The following ZFYVE9 variants were observed in gnomAD, a reference collection of about 807,000 sequenced individuals.
ZFYVE9 encodes zinc finger FYVE-type containing 9.
In ZFYVE9, 43 loss-of-function variants were observed where a neutral mutation model predicts 126.7. That is an observed-to-expected ratio of 0.34 (90% CI 0.27 to 0.44). The LOEUF is 0.44. Ranked by LOEUF, ZFYVE9 falls within the 20% of genes least tolerant of loss-of-function variation. The pLI is 1.00. For missense variants in ZFYVE9, 1,476 were observed against 1,697.0 expected, an observed-to-expected ratio of 0.87 and a Z score of 2.29; for synonymous variants, 521 against 597.4, an observed-to-expected ratio of 0.87 and a Z score of 1.87.
At chr1:52,184,393 A>ATTT (rs57242903) in intron 1 of ZFYVE9, among the ~76,000 whole-genome samples, 2 of 115,064 alleles carry the variant, frequency 1.7e-5, no homozygotes, top group African/African-American at 3.4e-5. Flanking sequence ...AGTCCAGCTA[A>ATTT]TTTTTTTTTT....
intron 10 of ZFYVE9, 101 bp downstream of exon 10, chr1:52,281,917 C>A: frequency 7.3e-7 from 1 of 1,365,344 alleles, no homozygotes; most frequent in Non-Finnish European, 1.0e-6. Flanking sequence ...TTAAGCATGG[C>A]AGGGGACTTT....
At chr1:52,345,015 T>C in intron 18 of ZFYVE9, 71 bp downstream of exon 18, 1 of 1,542,054 alleles carries the variant, frequency 6.5e-7, no homozygotes, top group Admixed American at 1.7e-5. Flanking sequence ...TGAGTTTTTC[T>C]GCATCACCCC....
At chr1:52,158,668 C>A (rs534873888) in intron 1 of ZFYVE9, among the ~76,000 whole-genome samples, 65 of 152,300 alleles carry the variant, frequency 4.3e-4, no homozygotes, top group African/African-American at 1.5e-3. Flanking sequence ...TACTGCCTCC[C>A]TTCGTAGGTG....
intron 7 of ZFYVE9, among the ~76,000 whole-genome samples, chr1:52,271,175 T>G (rs925687140): frequency 3.3e-5 from 5 of 152,192 alleles, no homozygotes; most frequent in African/African-American, 1.2e-4. Context: ...ACTATAAATA[T>G]TTTTGAAAGA....
intron 1 of ZFYVE9, among the ~76,000 whole-genome samples, chr1:52,152,368 G>A (rs969011635): frequency 5.3e-5 from 8 of 152,030 alleles, no homozygotes; most frequent in Admixed American, 1.3e-4. Flanking sequence ...TACTGATGTA[G>A]GTCAACTTTT....
At chr1:52,158,869 T>A (rs1303992170) in intron 1 of ZFYVE9, among the ~76,000 whole-genome samples, 1 of 151,856 alleles carries the variant, frequency 6.6e-6, no homozygotes, top group Non-Finnish European at 1.5e-5. Context: ...CTTGGCTCAC[T>A]GTAAGCTCCG....
At position 52,171,965 on chromosome 1, in the gene ZFYVE9, A is replaced by G. The variant is rs541938234; in HGVS notation, c.-143+29562A>G. On this transcript the variant is annotated intron_variant, in intron 1 of 18. Coordinates refer to ENST00000287727, the MANE Select transcript of ZFYVE9 (RefSeq NM_004799.4). ...TTTTGTAGGTTGCCTGTTCACTCTG[A>G]TGGTAGTTTCTTTTGCTGTGCAGAA... is the stretch of plus-strand genomic sequence containing the variant. 5.4e-3 allele frequency among the ~76,000 whole-genome samples: 826 copies of G among 152,062 alleles called. 4 individuals are homozygous for G. The highest frequency in any genetic ancestry group is 0.02 in the South Asian group (96 of 4,824).
chr1:52,189,643 G>A lies in ZFYVE9; in HGVS notation c.-142-26726G>A, dbSNP rs377581317. Among the ~76,000 whole-genome samples, 38 of 150,370 alleles carry A rather than the reference G, an allele frequency of 2.5e-4. No individual in the cohort carries two copies. The East Asian group carries it at 7.4e-3, about 29-fold the overall frequency. On this transcript the variant is annotated intron_variant, in intron 1 of 18. Transcript: ENST00000287727. ...CTCACTCAGCCTCTGAAAGTGCTGG[G>A]ATTACAGGTGTGAGCCACCGCACTT...
At chr1:52,284,830 T>G (rs1052612825) in intron 10 of ZFYVE9, among the ~76,000 whole-genome samples, 1 of 152,192 alleles carries the variant, frequency 6.6e-6, no homozygotes, top group East Asian at 1.9e-4. Context: ...ATACTAATGA[T>G]AGTCTAAGGT....
chr1:52,292,442 G>A (rs908581132), intron 10 of ZFYVE9, among the ~76,000 whole-genome samples: 3 of 149,974 alleles, frequency 2.0e-5, no homozygotes, highest in Non-Finnish European at 4.4e-5. Flanking sequence ...TAAGCTTGGT[G>A]ACAGCAGCTT....
At chr1:52,177,975 C>G (rs1572077037) in intron 1 of ZFYVE9, among the ~76,000 whole-genome samples, 1 of 145,132 alleles carries the variant, frequency 6.9e-6, no homozygotes, top group Admixed American at 7.0e-5. Flanking sequence ...GCATGGGGAA[C>G]CAATGAAGAA....
At chr1:52,289,563 G>A (rs1645897402) in intron 10 of ZFYVE9, among the ~76,000 whole-genome samples, 1 of 152,200 alleles carries the variant, frequency 6.6e-6, no homozygotes, top group Non-Finnish European at 1.5e-5. Flanking sequence ...TACATTGAGT[G>A]CAGTCGTTGA....
intron 1 of ZFYVE9, among the ~76,000 whole-genome samples, chr1:52,163,480 A>G (rs1185123043): frequency 6.6e-6 from 1 of 152,182 alleles, no homozygotes; most frequent in African/African-American, 2.4e-5. Flanking sequence ...CTCCAGCAAA[A>G]TGGTGCTGAC....
At chr1:52,330,426 AC>A (rs557007400) in intron 13 of ZFYVE9, among the ~76,000 whole-genome samples, 16 of 152,314 alleles carry the variant, frequency 1.1e-4, no homozygotes, top group Admixed American at 2.6e-4. Flanking sequence ...GGGCTGCCTG[AC>A]TGAGTATAGT....
At chr1:52,170,023 T>C (rs1479247185) in intron 1 of ZFYVE9, among the ~76,000 whole-genome samples, 1 of 152,218 alleles carries the variant, frequency 6.6e-6, no homozygotes, top group African/African-American at 2.4e-5. Flanking sequence ...CAGATTTTAC[T>C]TAAGAAGATT....
chr1:52,343,089 G>GTTTTTT (rs1312724704), intron 17 of ZFYVE9, among the ~76,000 whole-genome samples: 13 of 150,810 alleles, frequency 8.6e-5, no homozygotes, highest in African/African-American at 3.2e-4. Flanking sequence ...TTTGTTTTTT[G>GTTTTTT]TTTTTTGTAT....
At chr1:52,149,313 A>G (rs1316945863) in intron 1 of ZFYVE9, among the ~76,000 whole-genome samples, 3 of 152,082 alleles carry the variant, frequency 2.0e-5, no homozygotes, top group African/African-American at 7.2e-5. Context: ...ACTTTGAACT[A>G]TGTCCTAAAA....
At chr1:52,209,029 G>T (rs532019747) in intron 1 of ZFYVE9, among the ~76,000 whole-genome samples, 2 of 152,232 alleles carry the variant, frequency 1.3e-5, no homozygotes, top group East Asian at 3.9e-4. Context: ...ATTATCCATG[G>T]TATCATACAC....
intron 1 of ZFYVE9, among the ~76,000 whole-genome samples, chr1:52,192,993 ACT>A (rs757223804): frequency 1.3e-5 from 2 of 152,200 alleles, no homozygotes; most frequent in Non-Finnish European, 2.9e-5. Context: ...TATTATTATT[ACT>A]GTTTTATTGA....
Sources: allele counts gnomAD v4.1 joint callset (sites outside exome capture counted in the v4.1 genomes callset), GRCh38; gene constraint gnomAD v4.1.1; transcripts MANE v1.5; gene names NCBI Gene and HGNC (gene_info 2026-07-23, HGNC 2026-07-21).